Variants in GPHN observed in about 807,000 individuals in gnomAD.
GPHN encodes the protein gephyrin.
GPHN carries 17 observed loss-of-function variants against 95.5 expected under a neutral mutation model. That is an observed-to-expected ratio of 0.18 (90% CI 0.12 to 0.27). The LOEUF (loss-of-function observed/expected upper bound fraction) is 0.27, where lower values mean the gene tolerates loss of function less well. GPHN is among the 10% of genes least tolerant of loss of function. GPHN has a pLI of 1.00. For synonymous variants in GPHN, 320 were observed against 322.5 expected (o/e 0.99, Z 0.08); for missense variants, 660 against 978.1 (o/e 0.67, Z 4.34).
At chr14:67,376,707 AT>A in the GPHN span, 1 of 1,134,742 alleles carries the variant, frequency 8.8e-7, no homozygotes, top group Non-Finnish European at 1.2e-6. Context: ...AATATTTTGT[AT>A]TGGCCAGTAA....
intron 4 of GPHN, among the ~76,000 whole-genome samples, chr14:66,870,015 C>T (rs974577680): frequency 2.6e-5 from 4 of 152,108 alleles, no homozygotes; most frequent in Non-Finnish European, 4.4e-5. Context: ...GAAATAGATC[C>T]AGCTCCTATT....
intron 1 of GPHN, among the ~76,000 whole-genome samples, chr14:66,509,791 C>G (rs937434244): frequency 6.6e-6 from 1 of 151,768 alleles, no homozygotes; most frequent in South Asian, 2.1e-4. Context: ...TCTGACAGGT[C>G]GAGACGGTGC....
chr14:67,694,431 A>AATATAT, the GPHN span, among the ~76,000 whole-genome samples: 109 of 140,106 alleles, frequency 7.8e-4, no homozygotes, highest in African/African-American at 2.2e-3. Context: ...CAGCTCCTGG[A>AATATAT]ATATATATAT....
At chr14:67,047,788 C>T (rs1024663635) in intron 10 of GPHN, among the ~76,000 whole-genome samples, 1 of 152,178 alleles carries the variant, frequency 6.6e-6, no homozygotes, top group East Asian at 1.9e-4. Flanking sequence ...TAGGGAGACC[C>T]CATCTGTGCA....
the GPHN span, among the ~76,000 whole-genome samples, chr14:67,328,799 A>G: frequency 9.7e-3 from 1,477 of 152,084 alleles, 75 homozygotes; most frequent in Admixed American, 0.089. Flanking sequence ...GATGTGTGGT[A>G]TTATTTCTGA....
intron 18 of GPHN, among the ~76,000 whole-genome samples, chr14:67,152,993 T>A (rs1319560104): frequency 6.6e-6 from 1 of 151,214 alleles, no homozygotes; most frequent in African/African-American, 2.4e-5. Context: ...TGTCTTAGCT[T>A]AGGCTGCTAT....
intron 8 of GPHN, among the ~76,000 whole-genome samples, chr14:66,935,642 A>G (rs1294410208): frequency 6.6e-6 from 1 of 151,426 alleles, no homozygotes; most frequent in Non-Finnish European, 1.5e-5. Context: ...CACTTAACAT[A>G]TATGTGTATA....
intron 1 of GPHN, among the ~76,000 whole-genome samples, chr14:66,600,994 C>G (rs754636297): frequency 1.3e-5 from 2 of 151,986 alleles, no homozygotes; most frequent in Non-Finnish European, 2.9e-5. Context: ...GAGGATTGAT[C>G]GTATTTCTTT....
chr14:66,648,595 A>G (rs2064879054), intron 1 of GPHN, among the ~76,000 whole-genome samples: 1 of 152,176 alleles, frequency 6.6e-6, no homozygotes, highest in East Asian at 1.9e-4. Context: ...TCAATAGGCT[A>G]TACTATATAG....
At chr14:66,539,603 G>A (rs573860434) in intron 1 of GPHN, among the ~76,000 whole-genome samples, 1,950 of 119,840 alleles carry the variant, frequency 0.016, 28 homozygotes, top group Admixed American at 0.022. Context: ...TGGTAGAGAC[G>A]GGTGTTGGTC....
chr14:67,651,441 G>A, the GPHN span: 12 of 1,613,904 alleles, frequency 7.4e-6, no homozygotes, highest in South Asian at 1.1e-4. Context: ...GCGAGCTCCA[G>A]TAAGATGATA....
At chr14:66,928,046 C>T (rs1259429539) in intron 8 of GPHN, among the ~76,000 whole-genome samples, 1 of 152,064 alleles carries the variant, frequency 6.6e-6, no homozygotes, top group African/African-American at 2.4e-5. Context: ...TAATACTGAC[C>T]TTGTAGAATG....
chr14:66,836,114 A>G (rs1319647168), intron 4 of GPHN, among the ~76,000 whole-genome samples: 2 of 132,980 alleles, frequency 1.5e-5, no homozygotes, highest in Admixed American at 7.5e-5. Context: ...TATGGAACCA[A>G]AAAAGAGCCC....
At chr14:67,300,388 C>T in the GPHN span, among the ~76,000 whole-genome samples, 30 of 146,924 alleles carry the variant, frequency 2.0e-4, no homozygotes, top group African/African-American at 6.0e-4. Flanking sequence ...AATGCAGTGG[C>T]GCCATCTCAG....
chr14:66,778,591 G>A (rs933206061), intron 3 of GPHN, among the ~76,000 whole-genome samples: 2 of 152,020 alleles, frequency 1.3e-5, no homozygotes, highest in Admixed American at 1.3e-4. Context: ...ACAATGACAT[G>A]TAAAGATCTC....
At chr14:67,412,867 T>A in the GPHN span, among the ~76,000 whole-genome samples, 1 of 152,100 alleles carries the variant, frequency 6.6e-6, no homozygotes, top group African/African-American at 2.4e-5. Flanking sequence ...GGGCTTAAGA[T>A]CCTCCTGCCT....
At chr14:67,348,625 G>T in the GPHN span, among the ~76,000 whole-genome samples, 1 of 152,016 alleles carries the variant, frequency 6.6e-6, no homozygotes, top group African/African-American at 2.4e-5. Context: ...GGGTTCAAGC[G>T]ATTCTCCTGC....
intron 8 of GPHN, among the ~76,000 whole-genome samples, chr14:66,924,747 T>A (rs544668657): frequency 3.3e-5 from 5 of 152,102 alleles, no homozygotes; most frequent in African/African-American, 1.2e-4. Context: ...TTTTCATTCA[T>A]TGAGCTCTCA....
At chr14:67,198,135 G>GT in the GPHN span, 2 of 1,595,364 alleles carry the variant, frequency 1.3e-6, no homozygotes, top group Admixed American at 1.8e-5. Context: ...CATTCCCTCA[G>GT]TTTTTTTATG....
Sources: allele counts gnomAD v4.1 joint callset (sites outside exome capture counted in the v4.1 genomes callset), GRCh38; gene constraint gnomAD v4.1.1; transcripts MANE v1.5; gene names NCBI Gene and HGNC (gene_info 2026-07-23, HGNC 2026-07-21).